The following FSTL4 variants were observed in gnomAD, a reference collection of about 807,000 sequenced individuals.
FSTL4 encodes follistatin-related protein 4.
A neutral mutation model predicts 78.2 loss-of-function variants in FSTL4; 28 were observed. The ratio of observed to expected loss-of-function variants is 0.36; its 90% CI spans 0.27 to 0.49. The LOEUF (loss-of-function observed/expected upper bound fraction) is 0.49, where lower values mean the gene tolerates loss of function less well. FSTL4 is among the 20% of genes least tolerant of loss of function. The probability of loss-of-function intolerance (pLI) is 0.98; values close to 1 mark genes in which losing one functional copy is unlikely to be tolerated. For synonymous variants in FSTL4, 422 were observed against 440.5 expected (o/e 0.96, Z 0.53); for missense variants, 922 against 1,084.9 (o/e 0.85, Z 2.11).
chr5:133,419,859 T>A (rs572397107), intron 3 of FSTL4, among the ~76,000 whole-genome samples: 39 of 152,362 alleles, frequency 2.6e-4, no homozygotes, highest in South Asian at 1.5e-3. Flanking sequence ...TCCTAATGAC[T>A]GATGATCTTG....
chr5:133,228,894 G>A (rs1178049187), intron 8 of FSTL4, among the ~76,000 whole-genome samples: 1 of 152,172 alleles, frequency 6.6e-6, no homozygotes, highest in East Asian at 1.9e-4. Context: ...TGTTGTCAAT[G>A]GAAGGCAAGA....
At chr5:133,477,843 T>G (rs1034661345) in intron 3 of FSTL4, among the ~76,000 whole-genome samples, 3 of 152,234 alleles carry the variant, frequency 2.0e-5, no homozygotes, top group Admixed American at 6.5e-5. Flanking sequence ...GACAGAAATT[T>G]GCCCAAATAA....
At chr5:133,259,031 G>A (rs997668131) in intron 6 of FSTL4, among the ~76,000 whole-genome samples, 3 of 152,154 alleles carry the variant, frequency 2.0e-5, no homozygotes, top group Non-Finnish European at 4.4e-5. Context: ...TGGACTGAGG[G>A]AGCAAGGGCT....
the FSTL4 span, among the ~76,000 whole-genome samples, chr5:133,666,919 T>C: frequency 1.3e-5 from 2 of 152,226 alleles, no homozygotes; most frequent in Non-Finnish European, 2.9e-5. Context: ...TGAATTATAT[T>C]TTAGTCTAGT....
At chr5:133,305,776 C>A (rs1207478200) in intron 6 of FSTL4, among the ~76,000 whole-genome samples, 2 of 152,208 alleles carry the variant, frequency 1.3e-5, no homozygotes, top group East Asian at 3.8e-4. Context: ...TGCTTCCCAA[C>A]CTCAATTCCT....
At chr5:133,488,549 C>CAGAG (rs1431682723) in intron 3 of FSTL4, among the ~76,000 whole-genome samples, 2 of 152,156 alleles carry the variant, frequency 1.3e-5, no homozygotes, top group Admixed American at 1.3e-4. Context: ...CCACTGCACC[C>CAGAG]AGCCAAGCTC....
At chr5:133,674,390 G>A in the FSTL4 span, among the ~76,000 whole-genome samples, 1 of 152,302 alleles carries the variant, frequency 6.6e-6, no homozygotes, top group South Asian at 2.1e-4. Context: ...AATGGGGATT[G>A]TAGGATCATT....
chr5:133,234,676 T>C (rs767903087), intron 7 of FSTL4, among the ~76,000 whole-genome samples: 20 of 152,166 alleles, frequency 1.3e-4, no homozygotes, highest in Non-Finnish European at 2.5e-4. Context: ...GGTTGTGCAC[T>C]GTCATCTGTG....
chr5:133,264,937 G>T (rs1026452380), intron 6 of FSTL4, among the ~76,000 whole-genome samples: 1 of 152,114 alleles, frequency 6.6e-6, no homozygotes, highest in African/African-American at 2.4e-5. Context: ...TGAGTGAATG[G>T]TCCATTTTAG....
chr5:133,208,089 C>CT (rs1415171514), intron 14 of FSTL4, among the ~76,000 whole-genome samples: 2 of 152,168 alleles, frequency 1.3e-5, no homozygotes, highest in African/African-American at 4.8e-5. Context: ...ATCCATTTTA[C>CT]TTTTAATTTT....
At chr5:133,641,927 C>A in the FSTL4 span, among the ~76,000 whole-genome samples, 2 of 151,254 alleles carry the variant, frequency 1.3e-5, no homozygotes, top group African/African-American at 2.4e-5. Flanking sequence ...CTCCTTCTTT[C>A]TTCTTCTTCT....
the FSTL4 span, among the ~76,000 whole-genome samples, chr5:133,667,069 C>T: frequency 6.6e-6 from 1 of 152,152 alleles, no homozygotes; most frequent in African/African-American, 2.4e-5. Flanking sequence ...TGAGCCTGTC[C>T]AAACCTAATT....
intron 4 of FSTL4, among the ~76,000 whole-genome samples, chr5:133,320,874 G>A (rs1436885380): frequency 3.3e-5 from 5 of 152,062 alleles, no homozygotes; most frequent in African/African-American, 9.7e-5. Context: ...AGGCATGGTG[G>A]CGGGCGCCTG....
intron 6 of FSTL4, among the ~76,000 whole-genome samples, chr5:133,281,501 C>T (rs1038294530): frequency 6.6e-6 from 1 of 152,090 alleles, no homozygotes; most frequent in African/African-American, 2.4e-5. Context: ...AACTGAGACT[C>T]AGAGAGGTAA....
intron 6 of FSTL4, among the ~76,000 whole-genome samples, chr5:133,292,996 G>A (rs1481521298): frequency 1.3e-5 from 2 of 152,174 alleles, no homozygotes; most frequent in Non-Finnish European, 2.9e-5. Context: ...CCTTCGTCAG[G>A]TGGAGGCCTG....
chr5:133,657,767 T>C, the FSTL4 span, among the ~76,000 whole-genome samples: 12 of 104,458 alleles, frequency 1.1e-4, no homozygotes, highest in East Asian at 3.5e-3. Flanking sequence ...CTGTTTTTTG[T>C]TTTTTTTGTT....
At chr5:133,779,259 C>G in the FSTL4 span, among the ~76,000 whole-genome samples, 13 of 152,224 alleles carry the variant, frequency 8.5e-5, no homozygotes, top group South Asian at 2.7e-3. Context: ...GGTCCATTCT[C>G]GACATGGTGA....
chr5:133,795,654 A>G, the FSTL4 span, among the ~76,000 whole-genome samples: 5 of 152,250 alleles, frequency 3.3e-5, no homozygotes, highest in East Asian at 9.6e-4. Flanking sequence ...GGCCGTAGGC[A>G]GCATTAACAG....
intron 3 of FSTL4, among the ~76,000 whole-genome samples, chr5:133,520,170 A>G (rs1167524618): frequency 1.3e-5 from 2 of 151,604 alleles, no homozygotes; most frequent in African/African-American, 4.9e-5. Context: ...TGCATTGCTT[A>G]TGTACTTAAA....
Sources: gnomAD v4.1 joint callset for allele counts (sites outside exome capture counted in the v4.1 genomes callset) on GRCh38, gnomAD v4.1.1 for gene constraint, MANE v1.5 for transcripts, NCBI Gene and HGNC (gene_info 2026-07-23, HGNC 2026-07-21) for gene names.